The following TARDBP variants were observed in gnomAD, a reference collection of about 807,000 sequenced individuals.
TARDBP encodes the protein TAR DNA-binding protein 43.
TARDBP carries 4 observed loss-of-function variants against 38.3 expected under a neutral mutation model. That is an observed-to-expected ratio of 0.10 (90% CI 0.05 to 0.24). TARDBP has a LOEUF of 0.24. TARDBP is among the 10% of genes least tolerant of loss of function. The pLI is 1.00. For missense variants in TARDBP, 202 were observed against 521.9 expected (o/e 0.39, Z 5.97); for synonymous variants, 184 against 183.8 (o/e 1.00, Z -0.01).
At chr1:11,025,945 T>A (rs1643725216), downstream of TARDBP, 1 of 154,872 alleles carries the variant, frequency 6.5e-6, no homozygotes, top group Non-Finnish European at 1.5e-5. Context: ...TTGTGTGATG[T>A]GTGCTTTTGT....
chr1:11,014,664 C>T (rs1229644577), intron 2 of TARDBP, among the ~76,000 whole-genome samples: 2 of 152,126 alleles, frequency 1.3e-5, no homozygotes, highest in African/African-American at 2.4e-5. Context: ...TAGGGCTAGG[C>T]ACGGTGACTC....
chr1:11,015,255 G>A (rs1219077438), intron 2 of TARDBP, among the ~76,000 whole-genome samples: 1 of 152,056 alleles, frequency 6.6e-6, no homozygotes, highest in Non-Finnish European at 1.5e-5. Context: ...GGAGGCTGAG[G>A]CAAGCAGATC....
chr1:11,018,620 A>G, intron 3 of TARDBP, 113 bp from the exon 4 acceptor site: 1 of 1,468,080 alleles, frequency 6.8e-7, no homozygotes. Flanking sequence ...TTTAAGTTTT[A>G]AGCCACTGCA....
At chr1:11,027,264 A>G, downstream of TARDBP, 1 of 1,614,054 alleles carries the variant, frequency 6.2e-7, no homozygotes, top group Non-Finnish European at 8.5e-7. Flanking sequence ...TGTCCTCATA[A>G]AGGATTCAGC....
downstream of TARDBP, among the ~76,000 whole-genome samples, chr1:11,029,123 G>T (rs982678428): frequency 5.3e-5 from 8 of 150,776 alleles, no homozygotes; most frequent in Non-Finnish European, 1.2e-4. Context: ...CTCCCGAGTA[G>T]CTGGGACTAC....
At chr1:11,027,030 A>G, downstream of TARDBP, 2 of 1,597,498 alleles carry the variant, frequency 1.3e-6, no homozygotes, top group Non-Finnish European at 1.7e-6. Flanking sequence ...ACTATCTAGA[A>G]ACACCAGTGC....
intron 1 of TARDBP, among the ~76,000 whole-genome samples, 169 bp downstream of exon 1, chr1:11,012,912 C>T (rs1384269892): frequency 6.6e-6 from 1 of 152,230 alleles, no homozygotes; most frequent in Non-Finnish European, 1.5e-5. Flanking sequence ...TAGGTCCTGG[C>T]ACGGGGAGGC....
intron 1 of TARDBP, among the ~76,000 whole-genome samples, 170 bp downstream of exon 1, chr1:11,012,913 A>G (rs1643437240): frequency 6.6e-6 from 1 of 152,164 alleles, no homozygotes; most frequent in African/African-American, 2.4e-5. Flanking sequence ...AGGTCCTGGC[A>G]CGGGGAGGCC....
At chr1:11,027,381 C>A, downstream of TARDBP, 1 of 1,614,132 alleles carries the variant, frequency 6.2e-7, no homozygotes, top group Non-Finnish European at 8.5e-7. Context: ...ATGAGTATAA[C>A]CTTCATGTAT....
At chr1:11,020,387 T>A in intron 4 of TARDBP, 42 bp from the exon 5 acceptor site, 1 of 1,612,374 alleles carries the variant, frequency 6.2e-7, no homozygotes, top group Non-Finnish European at 8.5e-7. Context: ...TCATTGTTCA[T>A]AACATATTTC....
At chr1:11,026,770 T>C, downstream of TARDBP, 1 of 848,590 alleles carries the variant, frequency 1.2e-6, no homozygotes, top group Non-Finnish European at 1.7e-6. Flanking sequence ...TTTTTTTGGG[T>C]GGAGCAACAA....
In TARDBP at chr1:11,023,174, CTTCAT is replaced by C; in HGVS notation, c.*523_*527del. The C allele has an allele frequency of 6.5e-7, 1 of 1,549,880 alleles. No individual in the cohort carries two copies. Among genetic ancestry groups the C allele is most frequent in the Non-Finnish European group, 8.7e-7 (1 of 1,146,572 alleles). On this transcript the variant is annotated 3_prime_UTR_variant, in exon 6 of 6. Coordinates refer to ENST00000240185, the MANE Select transcript of TARDBP (RefSeq NM_007375.4). The stretch of plus-strand genomic sequence containing the variant: ...CATACACAAAAGTACAATATGAAGC[CTTCAT>C]TTAATCTCTGCAGTTCATCTCATTT...
intron 2 of TARDBP, among the ~76,000 whole-genome samples, chr1:11,014,820 C>G (rs566223683): frequency 5.9e-5 from 9 of 152,260 alleles, no homozygotes; most frequent in African/African-American, 2.2e-4. Context: ...GCCTGTAATA[C>G]TAGCTACTCA....
At chr1:11,016,726 C>T in intron 2 of TARDBP, 118 bp from the exon 3 acceptor site, 4 of 1,073,646 alleles carry the variant, frequency 3.7e-6, no homozygotes, top group Non-Finnish European at 5.4e-6. Flanking sequence ...GCCAAGTTTT[C>T]AGTGTCTTAT....
At chr1:11,029,933 A>C, downstream of TARDBP, 1 of 349,276 alleles carries the variant, frequency 2.9e-6, no homozygotes, top group Non-Finnish European at 5.2e-6. Flanking sequence ...AAAATCATTT[A>C]ATTTTTTATG....
downstream of TARDBP, chr1:11,025,988 A>G (rs1226884265): frequency 6.5e-6 from 1 of 154,776 alleles, no homozygotes; most frequent in African/African-American, 2.4e-5. Flanking sequence ...TTTCATGTTC[A>G]TTGTAAAGAG....
In TARDBP at chr1:11,023,095, A is replaced by G; in HGVS notation, c.*441A>G. On this transcript the variant is annotated 3_prime_UTR_variant, in exon 6 of 6. Transcript: ENST00000240185. ...TAAGAAAATCTCCTTTTAGGAGATC[A>G]TGGTGTCACAGTGTTTGGTTCTTTT... 4.0e-6 allele frequency: 6 copies of G among 1,510,792 alleles called. No homozygotes were observed. The highest frequency in any genetic ancestry group is 5.3e-6 in the Non-Finnish European group (6 of 1,125,268). The allele number at this position is 1,510,792 out of a possible 1,614,324, so 93.6% of individuals were successfully genotyped here. A position where few individuals can be genotyped will look rare whatever the true frequency, so the allele number is the denominator to read the frequency against.
At chr1:11,015,958 A>G (rs963647477) in intron 2 of TARDBP, among the ~76,000 whole-genome samples, 2 of 143,972 alleles carry the variant, frequency 1.4e-5, no homozygotes, top group Non-Finnish European at 1.5e-5. Context: ...TATTTTTTAG[A>G]CGAAGTCTCG....
Position 11,025,344 on chromosome 1 carries a change from T to A in TARDBP, c.*2690T>A, listed in dbSNP as rs1643714005. On this transcript the variant is annotated 3_prime_UTR_variant, in exon 6 of 6. Transcript: ENST00000240185. ...TATGGTACTGCATAGATACGGGTAT[T>A]TATTTTACCCTAAGAAGATTTTGAA... 6.6e-6 allele frequency: 1 copy of A among 152,328 alleles called. No individual in the cohort carries two copies. Among genetic ancestry groups the A allele is most frequent in the Admixed American group, 6.5e-5 (1 of 15,276 alleles). The allele number at this position is 152,328 out of a possible 1,614,324, so 9.4% of individuals were successfully genotyped here. A position where few individuals can be genotyped will look rare whatever the true frequency, so the allele number is the denominator to read the frequency against.
Sources: allele counts gnomAD v4.1 joint callset (sites outside exome capture counted in the v4.1 genomes callset), GRCh38; gene constraint gnomAD v4.1.1; transcripts MANE v1.5; gene names NCBI Gene and HGNC (gene_info 2026-07-23, HGNC 2026-07-21).